The following LRRC25 variants were observed in gnomAD, a reference collection of about 807,000 sequenced individuals.
LRRC25 encodes the protein leucine-rich repeat-containing protein 25.
A neutral mutation model predicts 18.8 loss-of-function variants in LRRC25; 5 were observed. The ratio of observed to expected loss-of-function variants is 0.27; its 90% CI spans 0.14 to 0.56. The LOEUF (loss-of-function observed/expected upper bound fraction) is 0.56, where lower values mean the gene tolerates loss of function less well. Ranked by LOEUF, LRRC25 falls within the 20% of genes least tolerant of loss-of-function variation. LRRC25 has a pLI of 0.93. For synonymous variants in LRRC25, 161 were observed against 176.8 expected, an observed-to-expected ratio of 0.91 and a Z score of 0.71; for missense variants, 341 against 389.8, an observed-to-expected ratio of 0.87 and a Z score of 1.05.
chr19:18,393,677 G>A (rs1184402975), intron 1 of LRRC25, among the ~76,000 whole-genome samples: 12 of 152,082 alleles, frequency 7.9e-5, no homozygotes, highest in Non-Finnish European at 1.5e-5. Context: ...ACTCTAGTAC[G>A]AATTGCCCAC....
Position 18,391,850 on chromosome 19 carries a change from T to C in LRRC25, c.*137A>G. Reference sequence around the variant, plus strand: ...GGGACAGGGAGGGGGCGGCAGAGCTTCCTGGGGCCTCAAGGACAATCCTTT... The same window carrying C: ...GGGACAGGGAGGGGGCGGCAGAGCTCCCTGGGGCCTCAAGGACAATCCTTT... On this transcript the variant is annotated 3_prime_UTR_variant, in exon 2 of 2. Coordinates refer to ENST00000339007, the MANE Select transcript of LRRC25 (RefSeq NM_145256.3). The C allele has an allele frequency of 9.2e-7, 1 of 1,084,728 alleles. No homozygotes were observed. Among genetic ancestry groups the C allele is most frequent in the Non-Finnish European group, 1.3e-6 (1 of 763,750 alleles). 67.2% of individuals were successfully genotyped at this position (1,084,728 alleles called of 1,614,324 possible).
At position 18,396,389 on chromosome 19, in the gene LRRC25, C is replaced by G. The variant is rs1183757607; in HGVS notation, c.575G>C (p.Arg192Pro). 1 of 1,613,566 alleles carries G rather than the reference C, an allele frequency of 6.2e-7. No individual in the cohort carries two copies. The highest frequency in any genetic ancestry group is 2.2e-5 in the East Asian group (1 of 44,880). The change falls in exon 1 of 2, where the codon CGA (arginine) becomes CCA (proline). Residue 192 changes from arginine to proline, a missense_variant. Arg to Pro is a moderately radical substitution (Grantham distance 103, BLOSUM62 -2). Coordinates refer to ENST00000339007, the MANE Select transcript of LRRC25 (RefSeq NM_145256.3). ...AGPVLAWRLW[R>P]CRVARSRELN... ...CTCCCGGCTTCTGGCCACTCGGCAT[C>G]GCCAGAGTCTCCAGGCCAGCACAGG... is the stretch of plus-strand genomic sequence containing the variant.
rs1262980494 is a variant in LRRC25 at position 18,396,738 on chromosome 19, G to C, written c.226C>G (p.Leu76Val). Residue 76 changes from leucine to valine, a missense_variant, in exon 1 of 2, where the codon CTT (leucine) becomes GTT (valine). Transcript: ENST00000339007. Reference sequence around the variant, plus strand: ...AGGTGGGCAAAGAAGGTCACTGGAAGCTCTCGCAGGCCGTTCCCAGACAGG... The same window carrying C: ...AGGTGGGCAAAGAAGGTCACTGGAACCTCTCGCAGGCCGTTCCCAGACAGG... ...LDLSGNGLRE[L>V]PVTFFAHLQK... is the part of the protein sequence containing the mutation. 1.2e-5 allele frequency: 19 copies of C among 1,614,172 alleles called. No individual in the cohort carries two copies. Among genetic ancestry groups the C allele is most frequent in the Non-Finnish European group, 1.5e-5 (18 of 1,180,044 alleles).
chr19:18,396,140 C>G, intron 1 of LRRC25, 45 bp downstream of exon 1: 3 of 1,547,420 alleles, frequency 1.9e-6, no homozygotes, highest in Non-Finnish European at 2.6e-6. Context: ...GGGTGTGGAG[C>G]CTTATTATTC....
intron 1 of LRRC25, among the ~76,000 whole-genome samples, chr19:18,394,691 G>A (rs554549490): frequency 7.9e-5 from 12 of 152,200 alleles, no homozygotes; most frequent in African/African-American, 2.6e-4. Flanking sequence ...ATCTGACCTC[G>A]CCTTGGCCTC....
In LRRC25 at chr19:18,396,280, C is replaced by T. The variant is rs1971966917; in HGVS notation, c.684G>A (p.Lys228=). ...QPRYGSRSAP[K]PQVAVPSCPS... ...GGCAGGATGGCACGGCCACTTGGGG[C>T]TTGGGGGCGCTCCGGCTGCCGTACC... The change falls in exon 1 of 2, where the codon AAG becomes AAA. Residue 228 remains lysine, a synonymous_variant. Transcript: ENST00000339007. 3 of 1,613,078 alleles carry T rather than the reference C, an allele frequency of 1.9e-6. No homozygotes were observed. The highest frequency in any genetic ancestry group is 4.5e-5 in the East Asian group (2 of 44,886).
rs1971901028 is a variant in LRRC25, at chr19:18,391,697, T to C, written c.*290A>G. 3.5e-6 allele frequency: 1 copy of C among 289,036 alleles called. No homozygotes were observed. The highest frequency in any genetic ancestry group is 6.8e-6 in the Non-Finnish European group (1 of 146,164). The allele number at this position is 289,036 out of a possible 1,614,324, so 17.9% of individuals were successfully genotyped here. The stretch of plus-strand genomic sequence containing the variant: ...AGCAGCCTCATCAGCCTCGAAGCAT[T>C]TATTGAGCACTGCCTGTACATCCAC... On this transcript the variant is annotated 3_prime_UTR_variant, in exon 2 of 2. Coordinates refer to ENST00000339007, the MANE Select transcript of LRRC25 (RefSeq NM_145256.3).
rs1029314054 is a variant in LRRC25, at chr19:18,392,210, G to A, written c.780-85C>T. 1.2e-5 allele frequency: 17 copies of A among 1,423,468 alleles called. No individual in the cohort carries two copies. In the African/African-American group the frequency reaches 1.6e-4, roughly 13 times the overall value. The allele number at this position is 1,423,468 out of a possible 1,614,324, so 88.2% of individuals were successfully genotyped here. Reference sequence around the variant, plus strand: ...CATGAGCTTTGAGAAAGTCCAGAGTGGGCCAGGTGCTCTGACTCACGCCTG... The same window carrying A: ...CATGAGCTTTGAGAAAGTCCAGAGTAGGCCAGGTGCTCTGACTCACGCCTG... On this transcript the variant is annotated intron_variant, in intron 1 of 1. Transcript: ENST00000339007.
intron 1 of LRRC25, among the ~76,000 whole-genome samples, chr19:18,395,232 G>A (rs370060112): frequency 4.6e-5 from 7 of 152,082 alleles, no homozygotes; most frequent in South Asian, 2.1e-4. Flanking sequence ...TTAGCCTGGC[G>A]TGGTGGCGGG....
rs1971974036 is a variant in LRRC25, at chr19:18,396,658, C to T, written c.306G>A (p.Gly102=). ...VLRNPLSRVD[G]ALAARCDLDL... ...CAAGGTCACAGCGGGCGGCCAGCGC[C>T]CCATCCACACGAGACAAGGGGTTGC... The change falls in exon 1 of 2, where the codon GGG becomes GGA. Residue 102 remains glycine, a synonymous_variant. Coordinates refer to ENST00000339007, the MANE Select transcript of LRRC25 (RefSeq NM_145256.3). 1 of 1,613,940 alleles carries T rather than the reference C, an allele frequency of 6.2e-7. No homozygotes were observed. Among genetic ancestry groups the T allele is most frequent in the Non-Finnish European group, 8.5e-7 (1 of 1,180,014 alleles).
chr19:18,396,081 A>G lies in LRRC25; in HGVS notation c.779+104T>C, dbSNP rs939218185. On this transcript the variant is annotated intron_variant, in intron 1 of 1. Coordinates refer to ENST00000339007, the MANE Select transcript of LRRC25 (RefSeq NM_145256.3). ...AGAGAAGTAAAGCTACTCACCTAAG[A>G]TCCCACAGCCTTCAAGCGGCAGAGC... is the stretch of plus-strand genomic sequence containing the variant. 5.7e-6 allele frequency: 8 copies of G among 1,395,834 alleles called. No individual in the cohort carries two copies. The African/African-American group carries it at 1.0e-4, about 18-fold the overall frequency. 86.5% of individuals were successfully genotyped at this position (1,395,834 alleles called of 1,614,324 possible). A position where few individuals can be genotyped will look rare whatever the true frequency, so the allele number is the denominator to read the frequency against.
At chr19:18,392,592 C>T (rs1600254339) in intron 1 of LRRC25, among the ~76,000 whole-genome samples, 1 of 152,126 alleles carries the variant, frequency 6.6e-6, no homozygotes, top group Non-Finnish European at 1.5e-5. Context: ...TCCTAGCCAA[C>T]CCCACCTCTC....
Position 18,392,129 on chromosome 19 carries a change from G to T in LRRC25, c.780-4C>A, listed in dbSNP as rs1600253901. The stretch of plus-strand genomic sequence containing the variant: ...ATTGTCCTCTGAAGGGTGAGCCCTG[G>T]GGGGACAGACAGACCAGGGGTAAGT... On this transcript the variant is annotated splice_region_variant and splice_polypyrimidine_tract_variant and intron_variant, in intron 1 of 1. Transcript: ENST00000339007. The T allele has an allele frequency of 6.2e-7, 1 of 1,613,574 alleles. No individual in the cohort carries two copies. Among genetic ancestry groups the T allele is most frequent in the Non-Finnish European group, 8.5e-7 (1 of 1,179,652 alleles).
intron 1 of LRRC25, among the ~76,000 whole-genome samples, chr19:18,392,731 T>G (rs1036275858): frequency 7.9e-5 from 12 of 152,170 alleles, no homozygotes; most frequent in Non-Finnish European, 7.4e-5. Context: ...GACTCATGCC[T>G]GTAATCCCAG....
chr19:18,396,124 C>T, intron 1 of LRRC25, 61 bp downstream of exon 1: 3 of 1,527,496 alleles, frequency 2.0e-6, no homozygotes, highest in South Asian at 1.3e-5. Flanking sequence ...TGAACCTCGG[C>T]CATCTGGGTG....
chr19:18,394,628 A>G (rs1469566388), intron 1 of LRRC25, among the ~76,000 whole-genome samples: 1 of 151,830 alleles, frequency 6.6e-6, no homozygotes, highest in Non-Finnish European at 1.5e-5. Flanking sequence ...TTTTAGTAGA[A>G]ACAGGGTTCC....
At position 18,396,897 on chromosome 19, in the gene LRRC25, G is replaced by C; in HGVS notation, c.67C>G (p.Pro23Ala). The stretch of plus-strand genomic sequence containing the variant: ...TCCGCGGAGGACACGGTGCACGACG[G>C]TTCTAGGCTGTCTGACTCCCGCAGC... ...LLLRESDSLE[P>A]SCTVSSADVD... is the part of the protein sequence containing the mutation. Residue 23 changes from proline (P) to alanine (A), a missense_variant, in exon 1 of 2, where the codon CCG (proline) becomes GCG (alanine). Physicochemically the swap from Pro to Ala is conservative, Grantham distance 27. Transcript: ENST00000339007. 6.2e-7 allele frequency: 1 copy of C among 1,613,182 alleles called. No individual in the cohort carries two copies.
At position 18,391,827 on chromosome 19, in the gene LRRC25, G is replaced by A; in HGVS notation, c.*160C>T. ...GAGGGAGCTGAGGAGCGGCATGAGG[G>A]ACAGGGAGGGGGCGGCAGAGCTTCC... On this transcript the variant is annotated 3_prime_UTR_variant, in exon 2 of 2. Transcript: ENST00000339007. 2.5e-6 allele frequency: 2 copies of A among 786,626 alleles called. No individual in the cohort carries two copies. 48.7% of individuals were successfully genotyped at this position (786,626 alleles called of 1,614,324 possible).
At position 18,391,690 on chromosome 19, in the gene LRRC25, G is replaced by A. The variant is rs987288856; in HGVS notation, c.*297C>T. ...CTGAGCCAGCAGCCTCATCAGCCTC[G>A]AAGCATTTATTGAGCACTGCCTGTA... On this transcript the variant is annotated 3_prime_UTR_variant, in exon 2 of 2. Transcript: ENST00000339007. The A allele has an allele frequency of 2.2e-5, 6 of 269,928 alleles. No individual in the cohort carries two copies. The highest frequency in any genetic ancestry group is 6.4e-5 in the South Asian group (1 of 15,602). The allele number at this position is 269,928 out of a possible 1,614,324, so 16.7% of individuals were successfully genotyped here.
Sources: allele counts gnomAD v4.1 joint callset (sites outside exome capture counted in the v4.1 genomes callset), GRCh38; gene constraint gnomAD v4.1.1; transcripts MANE v1.5; gene names NCBI Gene and HGNC (gene_info 2026-07-23, HGNC 2026-07-21).